The following HADHB variants were observed in gnomAD, a reference collection of about 807,000 sequenced individuals.
The protein encoded by HADHB is trifunctional enzyme subunit beta, mitochondrial.
HADHB carries 50 observed loss-of-function variants against 61.9 expected under a neutral mutation model. The ratio of observed to expected loss-of-function variants is 0.81; its 90% confidence interval spans 0.64 to 1.02. HADHB has a LOEUF of 1.02. Ranked by LOEUF, HADHB falls within the 50% of genes least tolerant of loss-of-function variation. The pLI, the probability that HADHB is intolerant of heterozygous loss-of-function variation, is 0.00. For synonymous variants in HADHB, 191 were observed against 201.6 expected (o/e 0.95, Z 0.45); for missense variants, 504 against 586.5 (o/e 0.86, Z 1.45).
At chr2:26,255,126 C>A (rs112046699) in intron 3 of HADHB, among the ~76,000 whole-genome samples, 1 of 152,280 alleles carries the variant, frequency 6.6e-6, no homozygotes, top group African/African-American at 2.4e-5. Flanking sequence ...TAACATTTTT[C>A]TCCTTGCCTA....
chr2:26,253,697 C>CA (rs1284370148), intron 1 of HADHB, among the ~76,000 whole-genome samples: 1 of 151,416 alleles, frequency 6.6e-6, no homozygotes, highest in Non-Finnish European at 1.5e-5. Flanking sequence ...ACTAAAAATA[C>CA]AAAAAATTAG....
intron 6 of HADHB, among the ~76,000 whole-genome samples, chr2:26,275,530 C>A (rs150006536): frequency 6.6e-6 from 1 of 152,314 alleles, no homozygotes; most frequent in Non-Finnish European, 1.5e-5. Flanking sequence ...AAGGGCAACA[C>A]AAATTAGAAA....
intron 4 of HADHB, among the ~76,000 whole-genome samples, chr2:26,264,390 A>T (rs1345735119): frequency 6.6e-6 from 1 of 151,968 alleles, no homozygotes; most frequent in East Asian, 1.9e-4. Context: ...CTCTGCAGAA[A>T]ATAAAAAATA....
intron 15 of HADHB, 128 bp downstream of exon 15, chr2:26,285,699 G>C: frequency 2.1e-4 from 81 of 386,870 alleles, no homozygotes; most frequent in Middle Eastern, 8.3e-4. Flanking sequence ...AGTGGGGAGG[G>C]ATAACAGCTG....
intron 1 of HADHB, among the ~76,000 whole-genome samples, chr2:26,249,873 T>G (rs1484495897): frequency 6.6e-6 from 1 of 152,018 alleles, no homozygotes; most frequent in African/African-American, 2.4e-5. Flanking sequence ...GAGAATGAGA[T>G]TATTCTGATT....
At chr2:26,245,186 C>G (rs1671078630) in intron 1 of HADHB, 196 bp downstream of exon 1, 1 of 185,970 alleles carries the variant, frequency 5.4e-6, no homozygotes, top group Non-Finnish European at 1.2e-5. Context: ...GACTAGCGTT[C>G]CAGCTGAAGT....
rs139175905 is a variant in HADHB, at chr2:26,261,190, AAAC to A, written c.110-2179_110-2177del. 4.3e-3 allele frequency: 2,261 copies of A among 527,578 alleles called. 50 individuals are homozygous for A. Among genetic ancestry groups the A allele is most frequent in the African/African-American group, 0.038 (1,956 of 51,212 alleles). The allele number at this position is 527,578 out of a possible 1,614,324, so 32.7% of individuals were successfully genotyped here. ...TTTAGAGGGGCCTGTGGGATGTCCA[AAAC>A]AACAACAACACAACAAATACCCCCC... On this transcript the variant is annotated intron_variant, in intron 3 of 15. Transcript: ENST00000317799.
At chr2:26,256,461 A>G (rs895054855) in intron 3 of HADHB, among the ~76,000 whole-genome samples, 34 of 152,192 alleles carry the variant, frequency 2.2e-4, no homozygotes, top group Middle Eastern at 3.4e-3. Context: ...CTGGAAATGT[A>G]AGTGTCTGAT....
At chr2:26,245,432 A>G (rs1671105125) in intron 1 of HADHB, 1 of 152,118 alleles carries the variant, frequency 6.6e-6, no homozygotes, top group Non-Finnish European at 1.5e-5. Context: ...GCTGTAAAGA[A>G]TAAGACTAGG....
rs72849927 is a variant in HADHB, at chr2:26,247,414, T to C, written c.-9+2424T>C. ...TTGAAGGAATACATATTCCATGTAA[T>C]TTTTTATTCAGAAACTACAGAAAAG... On this transcript the variant is annotated intron_variant, in intron 1 of 15. Transcript: ENST00000317799. 6.3e-3 allele frequency among the ~76,000 whole-genome samples: 957 copies of C among 152,356 alleles called. 8 individuals are homozygous for C. The highest frequency in any genetic ancestry group is 0.022 in the African/African-American group (895 of 41,580).
intron 4 of HADHB, among the ~76,000 whole-genome samples, chr2:26,266,678 G>C (rs891858873): frequency 9.2e-5 from 14 of 151,676 alleles, no homozygotes; most frequent in African/African-American, 3.4e-4. Context: ...TCAGGTGTTT[G>C]AGACCAGCCT....
chr2:26,272,766 T>C (rs911005980), intron 5 of HADHB, among the ~76,000 whole-genome samples: 1 of 152,134 alleles, frequency 6.6e-6, no homozygotes, highest in African/African-American at 2.4e-5. Flanking sequence ...CCTTTTGTCC[T>C]TTTAATGGGG....
intron 3 of HADHB, 57 bp from the exon 4 acceptor site, chr2:26,263,323 T>G: frequency 9.8e-7 from 1 of 1,022,774 alleles, no homozygotes; most frequent in South Asian, 1.4e-5. Context: ...AAAGTAAAAG[T>G]CATCAGACTT....
intron 1 of HADHB, among the ~76,000 whole-genome samples, chr2:26,250,970 C>T (rs1275135204): frequency 2.6e-5 from 4 of 150,994 alleles, no homozygotes; most frequent in East Asian, 1.9e-4. Flanking sequence ...CTGTGAGCTG[C>T]GAACCTAAAA....
intron 15 of HADHB, among the ~76,000 whole-genome samples, chr2:26,286,164 T>C (rs1431561499): frequency 6.6e-6 from 1 of 152,228 alleles, no homozygotes; most frequent in Non-Finnish European, 1.5e-5. Flanking sequence ...ATGAAAAGTA[T>C]ATAGAAAAAG....
intron 4 of HADHB, 150 bp from the exon 5 acceptor site, chr2:26,269,803 T>C (rs1427824442): frequency 1.4e-6 from 1 of 695,616 alleles, no homozygotes; most frequent in African/African-American, 1.8e-5. Context: ...CACTATTTCT[T>C]CATTTGAAAT....
At chr2:26,275,051 A>G (rs1014952085) in intron 6 of HADHB, among the ~76,000 whole-genome samples, 9 of 152,152 alleles carry the variant, frequency 5.9e-5, no homozygotes, top group African/African-American at 1.2e-4. Context: ...CCTGCCCTGT[A>G]CTAATACCAG....
chr2:26,277,523 C>T (rs1310657602), intron 7 of HADHB, among the ~76,000 whole-genome samples: 2 of 152,218 alleles, frequency 1.3e-5, no homozygotes, highest in Admixed American at 1.3e-4. Flanking sequence ...GCGTGAGCCA[C>T]CATGCTCATC....
intron 10 of HADHB, among the ~76,000 whole-genome samples, chr2:26,282,419 C>T (rs1055801513): frequency 6.6e-6 from 1 of 151,872 alleles, no homozygotes; most frequent in Non-Finnish European, 1.5e-5. Flanking sequence ...TGCCACCACA[C>T]CTGGCTAAGT....
Sources: allele counts gnomAD v4.1 joint callset (sites outside exome capture counted in the v4.1 genomes callset), GRCh38; gene constraint gnomAD v4.1.1; transcripts MANE v1.5; gene names NCBI Gene and HGNC (gene_info 2026-07-23, HGNC 2026-07-21).